Variants in THSD4 observed in about 807,000 individuals in gnomAD.
THSD4 encodes thrombospondin type-1 domain-containing protein 4.
THSD4 carries 69 observed loss-of-function variants against 119.0 expected under a neutral mutation model. The observed-to-expected ratio is 0.58, with a 90% CI of 0.48 to 0.71. The LOEUF (loss-of-function observed/expected upper bound fraction) is 0.71, where lower values mean the gene tolerates loss of function less well. Among genes scored for constraint, THSD4 ranks in the 30% least tolerant of loss-of-function variants. The probability of loss-of-function intolerance (pLI) is 0.00; values close to 1 mark genes in which losing one functional copy is unlikely to be tolerated. For missense variants in THSD4, 1,393 were observed against 1,391.1 expected, an observed-to-expected ratio of 1.00 and a Z score of -0.02; for synonymous variants, 524 against 540.4, an observed-to-expected ratio of 0.97 and a Z score of 0.42.
At chr15:71,630,065 T>C (rs1175057568) in intron 7 of THSD4, among the ~76,000 whole-genome samples, 1 of 152,198 alleles carries the variant, frequency 6.6e-6, no homozygotes, top group Non-Finnish European at 1.5e-5. Flanking sequence ...ACTTATGTCT[T>C]TGTAAGCTGG....
chr15:71,322,318 G>A (rs1401552163), intron 6 of THSD4, among the ~76,000 whole-genome samples: 2 of 152,008 alleles, frequency 1.3e-5, no homozygotes, highest in Non-Finnish European at 2.9e-5. Context: ...AGGATATTTG[G>A]TTATTAAAAC....
chr15:71,561,539 G>A (rs2049116934), intron 7 of THSD4, among the ~76,000 whole-genome samples: 1 of 152,112 alleles, frequency 6.6e-6, no homozygotes, highest in Non-Finnish European at 1.5e-5. Context: ...ATGGAGTTGG[G>A]GGTGAGGGCA....
At chr15:71,681,643 C>T (rs1191975876) in intron 8 of THSD4, among the ~76,000 whole-genome samples, 2 of 145,842 alleles carry the variant, frequency 1.4e-5, no homozygotes, top group Non-Finnish European at 3.0e-5. Flanking sequence ...CCACTTAACT[C>T]TAGCCTGGGC....
chr15:71,540,227 T>G (rs1227420407), intron 7 of THSD4, among the ~76,000 whole-genome samples: 2 of 147,902 alleles, frequency 1.4e-5, no homozygotes, highest in Admixed American at 6.9e-5. Context: ...AACCTCTGCC[T>G]CCTGGGTTCA....
intron 7 of THSD4, among the ~76,000 whole-genome samples, chr15:71,616,111 G>A (rs918050141): frequency 1.3e-5 from 2 of 152,100 alleles, no homozygotes; most frequent in Non-Finnish European, 2.9e-5. Context: ...TTTCAAAATG[G>A]AAGGTGGGTA....
intron 7 of THSD4, among the ~76,000 whole-genome samples, chr15:71,452,031 A>G (rs1470275087): frequency 6.6e-6 from 1 of 151,926 alleles, no homozygotes; most frequent in African/African-American, 2.4e-5. Context: ...CCTCCTTACT[A>G]GCTCAAGCTC....
At chr15:71,509,409 C>T (rs958005412) in intron 7 of THSD4, among the ~76,000 whole-genome samples, 1 of 152,210 alleles carries the variant, frequency 6.6e-6, no homozygotes, top group African/African-American at 2.4e-5. Flanking sequence ...TCCTTTGTCT[C>T]ATTATCCAAG....
intron 7 of THSD4, among the ~76,000 whole-genome samples, chr15:71,538,062 T>G (rs1383667790): frequency 1.3e-5 from 2 of 152,138 alleles, no homozygotes; most frequent in Non-Finnish European, 2.9e-5. Flanking sequence ...GCCCAGCCTA[T>G]TTGTCTTTTA....
chr15:71,593,142 A>AAGAAACCCTCATGGGT (rs1595765065), intron 7 of THSD4, among the ~76,000 whole-genome samples: 4 of 52,846 alleles, frequency 7.6e-5, no homozygotes, highest in Admixed American at 4.1e-4. Flanking sequence ...AAGAGCCTGT[A>AAGAAACCCTCATGGGT]GGCCGGGCGC....
intron 3 of THSD4, among the ~76,000 whole-genome samples, chr15:71,189,887 C>G (rs907681635): frequency 2.6e-5 from 4 of 152,170 alleles, no homozygotes; most frequent in Non-Finnish European, 4.4e-5. Flanking sequence ...GCATTGCATT[C>G]CATACTGCTA....
intron 3 of THSD4, among the ~76,000 whole-genome samples, chr15:71,199,467 G>GCA (rs2043749689): frequency 6.9e-6 from 1 of 145,150 alleles, no homozygotes; most frequent in Non-Finnish European, 1.5e-5. Flanking sequence ...GGGGGTGTGT[G>GCA]TGTGTGGTGT....
chr15:71,721,013 G>A (rs748668793), intron 8 of THSD4, among the ~76,000 whole-genome samples: 11 of 152,244 alleles, frequency 7.2e-5, no homozygotes, highest in Non-Finnish European at 1.6e-4. Flanking sequence ...AAGGAAACCA[G>A]CTTCTTTATT....
intron 7 of THSD4, among the ~76,000 whole-genome samples, chr15:71,442,602 G>A (rs28419116): frequency 0.33 from 4,532 of 13,722 alleles, 740 homozygotes; most frequent in Non-Finnish European, 0.52. Flanking sequence ...ATATATATAT[G>A]TGTGTGTGTG....
At chr15:71,154,779 G>T in intron 2 of THSD4, 84 bp from the exon 3 acceptor site, 1 of 1,380,196 alleles carries the variant, frequency 7.2e-7, no homozygotes, top group South Asian at 1.2e-5. Flanking sequence ...CCCATCCACT[G>T]ATGAGATGGC....
At chr15:71,721,630 A>G (rs939974903) in intron 8 of THSD4, among the ~76,000 whole-genome samples, 5 of 152,162 alleles carry the variant, frequency 3.3e-5, no homozygotes, top group Non-Finnish European at 5.9e-5. Context: ...AGATTGTGCC[A>G]CTGCACTCCA....
rs192430075 is a variant in THSD4 at position 71,555,820 on chromosome 15, G to A, written c.1153-104710G>A. 4.3e-3 allele frequency among the ~76,000 whole-genome samples: 659 copies of A among 152,144 alleles called. 4 individuals are homozygous for A. Among genetic ancestry groups the A allele is most frequent in the African/African-American group, 0.014 (563 of 41,524 alleles). On this transcript the variant is annotated intron_variant, in intron 7 of 17. Coordinates refer to ENST00000261862, the MANE Select transcript of THSD4 (RefSeq NM_024817.3). ...AAATTTTCTGTATGGGGTAAATAAG[G>A]GATCTAATTTCATTTTTCATTAAGG...
At position 71,765,135 on chromosome 15, in the gene THSD4, C is replaced by A; in HGVS notation, c.2705C>A (p.Pro902His). 1.9e-6 allele frequency: 3 copies of A among 1,614,234 alleles called. No individual in the cohort carries two copies. Among genetic ancestry groups the A allele is most frequent in the Non-Finnish European group, 2.5e-6 (3 of 1,180,036 alleles). The change falls in exon 16 of 18, where the codon CCC becomes CAC. Residue 902 changes from proline (P) to histidine (H), a missense_variant. Coordinates refer to ENST00000261862, the MANE Select transcript of THSD4 (RefSeq NM_024817.3). ...PSECSFLEKP[P>H]SQQSCHLKPC... ...GAATGTTCTTTCCTGGAGAAACCCCCCAGCCAGCAATCCTGCCACCTCAAG... is the reference window on the plus strand; with the variant it reads ...GAATGTTCTTTCCTGGAGAAACCCCACAGCCAGCAATCCTGCCACCTCAAG...
Position 71,242,993 on chromosome 15 carries a change from G to A in THSD4, c.809G>A (p.Gly270Asp), listed in dbSNP as rs2044166895. 2 of 1,614,220 alleles carry A rather than the reference G, an allele frequency of 1.2e-6. No homozygotes were observed. Among genetic ancestry groups the A allele is most frequent in the South Asian group, 1.1e-5 (1 of 91,088 alleles). Residue 270 changes from glycine (G) to aspartate (D), a missense_variant, in exon 5 of 18, where the codon GGT becomes GAT. Transcript: ENST00000261862. ...FHSPETSNNH[G>D]VGTHGATQSF... ...AGCCCAGAAACAAGCAACAACCACG[G>A]TGTGGGGACCCATGGGGCAACTCAG...
At chr15:71,111,291 A>T (rs771679123), upstream of THSD4, 21 of 1,613,890 alleles carry the variant, frequency 1.3e-5, no homozygotes, top group South Asian at 2.2e-4. Flanking sequence ...TTCCGTCTGG[A>T]AACCATTTTG....
Sources: allele counts gnomAD v4.1 joint callset (sites outside exome capture counted in the v4.1 genomes callset), GRCh38; gene constraint gnomAD v4.1.1; transcripts MANE v1.5; gene names NCBI Gene and HGNC (gene_info 2026-07-23, HGNC 2026-07-21).